The following ATAD2B variants were observed in gnomAD, a reference collection of about 807,000 sequenced individuals.
ATAD2B encodes the protein ATPase family AAA domain containing 2B.
A neutral mutation model predicts 167.6 loss-of-function variants in ATAD2B; 40 were observed. The ratio of observed to expected loss-of-function variants is 0.24; its 90% confidence interval spans 0.19 to 0.31. The LOEUF (loss-of-function observed/expected upper bound fraction) is 0.31, where lower values mean the gene tolerates loss of function less well. Ranked by LOEUF, ATAD2B falls within the 10% of genes least tolerant of loss-of-function variation. The pLI is 1.00. For synonymous variants in ATAD2B, 579 were observed against 596.5 expected (o/e 0.97, Z 0.43); for missense variants, 1,242 against 1,757.2 (o/e 0.71, Z 5.24).
rs1024072326 is a variant in ATAD2B, at chr2:23,750,090, T to C, written c.*1956A>G. 6.6e-5 allele frequency: 10 copies of C among 152,132 alleles called. No homozygotes were observed. The highest frequency in any genetic ancestry group is 1.2e-4 in the Non-Finnish European group (8 of 68,004). The allele number at this position is 152,132 out of a possible 1,614,324, so 9.4% of individuals were successfully genotyped here. On this transcript the variant is annotated 3_prime_UTR_variant, in exon 28 of 28. Transcript: ENST00000238789. ...AATGCTAATGTATTAGACAATAAAATAGTTTGAATCGGTATGATGGTAATA... is the reference window on the plus strand; with the variant it reads ...AATGCTAATGTATTAGACAATAAAACAGTTTGAATCGGTATGATGGTAATA...
At chr2:23,768,355 G>A (rs972194452) in intron 22 of ATAD2B, among the ~76,000 whole-genome samples, 16 of 151,850 alleles carry the variant, frequency 1.1e-4, no homozygotes, top group African/African-American at 1.5e-4. Flanking sequence ...GCAACATGGC[G>A]AGCCACCGTG....
chr2:23,883,882 G>A (rs1362775429), intron 6 of ATAD2B, among the ~76,000 whole-genome samples: 5 of 152,114 alleles, frequency 3.3e-5, no homozygotes, highest in African/African-American at 1.2e-4. Flanking sequence ...AGTGGCTCAC[G>A]CCTGTAATGC....
Position 23,751,985 on chromosome 2 carries a change from G to T in ATAD2B, c.*61C>A. On this transcript the variant is annotated 3_prime_UTR_variant, in exon 28 of 28. Transcript: ENST00000238789. ...AATTGGTGCAATTTGAAATTGAATG[G>T]CTCAGAAGACTGCTCTGTGAGGAGC... The T allele has an allele frequency of 7.7e-7, 1 of 1,292,306 alleles. No homozygotes were observed. The highest frequency in any genetic ancestry group is 1.1e-6 in the Non-Finnish European group (1 of 914,136). 80.1% of individuals were successfully genotyped at this position (1,292,306 alleles called of 1,614,324 possible).
the ATAD2B span, chr2:23,697,568 C>G: frequency 6.6e-6 from 1 of 152,230 alleles, no homozygotes. Flanking sequence ...TTGTATTTTT[C>G]CCCCTTGGTG....
the ATAD2B span, chr2:23,689,756 G>A: frequency 4.6e-5 from 7 of 152,434 alleles, no homozygotes; most frequent in Admixed American, 3.9e-4. Context: ...GCAAAGACAG[G>A]AGTACGAGGT....
At chr2:23,820,083 A>G (rs1687218052) in intron 16 of ATAD2B, among the ~76,000 whole-genome samples, 1 of 151,930 alleles carries the variant, frequency 6.6e-6, no homozygotes, top group Admixed American at 6.6e-5. Flanking sequence ...TTTACAGACT[A>G]TTTACTTAAG....
At chr2:23,679,674 T>C in the ATAD2B span, among the ~76,000 whole-genome samples, 1 of 146,902 alleles carries the variant, frequency 6.8e-6, no homozygotes, top group Non-Finnish European at 1.5e-5. Context: ...GAATAAAACA[T>C]AGTCTAGTGC....
chr2:23,808,804 T>A (rs1685065584), intron 18 of ATAD2B, among the ~76,000 whole-genome samples: 1 of 152,162 alleles, frequency 6.6e-6, no homozygotes, highest in African/African-American at 2.4e-5. Context: ...CTAGATTTCA[T>A]TTGTAATAGT....
the ATAD2B span, among the ~76,000 whole-genome samples, chr2:23,728,092 A>G: frequency 1.3e-5 from 2 of 152,196 alleles, no homozygotes; most frequent in South Asian, 4.1e-4. Context: ...TTGCTTACCA[A>G]TTGTAACAAA....
chr2:23,915,586 CTTTTTTTTTTTT>C (rs869032768), intron 1 of ATAD2B, among the ~76,000 whole-genome samples: 5 of 65,248 alleles, frequency 7.7e-5, no homozygotes, highest in East Asian at 5.5e-4. Flanking sequence ...ACTACCGATT[CTTTTTTTTTTTT>C]TTTTTTTTTT....
At chr2:23,879,346 T>C (rs1697507553) in intron 7 of ATAD2B, among the ~76,000 whole-genome samples, 1 of 151,864 alleles carries the variant, frequency 6.6e-6, no homozygotes. Context: ...ATGCAGAGGT[T>C]CAAGACATCA....
intron 10 of ATAD2B, among the ~76,000 whole-genome samples, chr2:23,867,288 T>G (rs1223497938): frequency 2.0e-5 from 3 of 152,224 alleles, no homozygotes; most frequent in Non-Finnish European, 4.4e-5. Context: ...GCTAGAAACC[T>G]GGGTAATACT....
At chr2:23,917,832 G>A (rs1457227018) in intron 1 of ATAD2B, among the ~76,000 whole-genome samples, 1 of 152,074 alleles carries the variant, frequency 6.6e-6, no homozygotes, top group Non-Finnish European at 1.5e-5. Context: ...GCCAAGCCGG[G>A]GGGATCACCT....
chr2:23,824,213 C>G (rs1309855063), intron 15 of ATAD2B, among the ~76,000 whole-genome samples: 2 of 152,194 alleles, frequency 1.3e-5, no homozygotes, highest in Non-Finnish European at 2.9e-5. Flanking sequence ...CCACCCGCCT[C>G]AGCACCCTCA....
intron 1 of ATAD2B, among the ~76,000 whole-genome samples, chr2:23,898,814 G>C (rs539706879): frequency 3.9e-5 from 6 of 152,218 alleles, no homozygotes; most frequent in African/African-American, 1.4e-4. Flanking sequence ...ACTAGCCTGG[G>C]CAACGTAATG....
At chr2:23,707,297 CTG>C in the ATAD2B span, 18 of 152,318 alleles carry the variant, frequency 1.2e-4, no homozygotes, top group African/African-American at 4.1e-4. Flanking sequence ...GGTTTTTCTA[CTG>C]TGTTTTTGCT....
the ATAD2B span, among the ~76,000 whole-genome samples, chr2:23,678,887 G>A: frequency 0.011 from 1,719 of 152,284 alleles, 19 homozygotes; most frequent in Middle Eastern, 0.031. Flanking sequence ...AAGTAGAATG[G>A]TGGTTGCCGG....
intron 22 of ATAD2B, among the ~76,000 whole-genome samples, chr2:23,769,951 T>G (rs927306104): frequency 1.3e-5 from 2 of 151,392 alleles, no homozygotes; most frequent in Non-Finnish European, 2.9e-5. Context: ...CCCAAAGTGC[T>G]AGGATTACAG....
At chr2:23,729,368 C>G in the ATAD2B span, among the ~76,000 whole-genome samples, 2 of 152,150 alleles carry the variant, frequency 1.3e-5, no homozygotes, top group Admixed American at 6.5e-5. Flanking sequence ...GCAGGAGATT[C>G]ACAGCAACTA....
Sources: allele counts gnomAD v4.1 joint callset (sites outside exome capture counted in the v4.1 genomes callset), GRCh38; gene constraint gnomAD v4.1.1; transcripts MANE v1.5; gene names NCBI Gene and HGNC (gene_info 2026-07-23, HGNC 2026-07-21).